CNNM2: variants seen among roughly 807,000 people sequenced by gnomAD.
CNNM2 encodes metal transporter CNNM2.
A neutral mutation model predicts 66.9 loss-of-function variants in CNNM2; 12 were observed. That is an observed-to-expected ratio of 0.18 (90% confidence interval 0.11 to 0.29). CNNM2 has a LOEUF of 0.29. CNNM2 is among the 10% of genes least tolerant of loss of function. The pLI is 1.00. For synonymous variants in CNNM2, 557 were observed against 501.8 expected (o/e 1.11, Z -1.47); for missense variants, 705 against 1,167.7 (o/e 0.60, Z 5.77).
intron 6 of CNNM2, among the ~76,000 whole-genome samples, chr10:103,073,141 C>T (rs1053452740): frequency 1.3e-5 from 2 of 152,238 alleles, no homozygotes; most frequent in African/African-American, 4.8e-5. Context: ...GGGCCTGCTC[C>T]TCCAGAGGGT....
intron 1 of CNNM2, among the ~76,000 whole-genome samples, chr10:102,947,611 C>T (rs985662899): frequency 2.0e-5 from 3 of 151,804 alleles, no homozygotes; most frequent in Non-Finnish European, 4.4e-5. Context: ...ATTAGCTGGG[C>T]GTAGTGGTGC....
chr10:103,085,524 C>T lies in CNNM2; in HGVS notation c.*8344C>T, dbSNP rs2065797048. On this transcript the variant is annotated 3_prime_UTR_variant, in exon 8 of 8. Coordinates refer to ENST00000369878, the MANE Select transcript of CNNM2 (RefSeq NM_017649.5). ...CTCCAGTTTGTGTGGGAAGGTTTAT[C>T]TCAGGCCTTGTCTACTCCCCTCGCC... 1 of 152,210 alleles carries T rather than the reference C, an allele frequency of 6.6e-6. No individual in the cohort carries two copies. Among genetic ancestry groups the T allele is most frequent in the Admixed American group, 6.5e-5 (1 of 15,280 alleles). The allele number at this position is 152,210 out of a possible 1,614,324, so 9.4% of individuals were successfully genotyped here.
chr10:103,061,665 G>GC, intron 4 of CNNM2, among the ~76,000 whole-genome samples: 1 of 152,214 alleles, frequency 6.6e-6, no homozygotes, highest in Non-Finnish European at 1.5e-5. Flanking sequence ...GCTAATATGG[G>GC]CTTAATCCTA....
intron 1 of CNNM2, among the ~76,000 whole-genome samples, chr10:103,036,130 C>G (rs1590434983): frequency 6.7e-6 from 1 of 149,478 alleles, no homozygotes. Context: ...ACCAATAGGA[C>G]ACACACACAC....
intron 1 of CNNM2, among the ~76,000 whole-genome samples, chr10:102,973,899 A>G (rs929735907): frequency 3.4e-5 from 5 of 147,064 alleles, no homozygotes; most frequent in Non-Finnish European, 7.4e-5. Context: ...CCCTCTCCCC[A>G]GACCTCTGGC....
chr10:103,055,676 C>T (rs1027821585), intron 3 of CNNM2, among the ~76,000 whole-genome samples: 3 of 152,196 alleles, frequency 2.0e-5, no homozygotes, highest in African/African-American at 4.8e-5. Context: ...AAAAAAGTCA[C>T]AAGTTAATAC....
intron 1 of CNNM2, among the ~76,000 whole-genome samples, chr10:102,986,713 G>C (rs905238350): frequency 6.7e-6 from 1 of 149,356 alleles, no homozygotes; most frequent in Non-Finnish European, 1.5e-5. Context: ...CTGGGAGGCG[G>C]AGCTTGCAGT....
At chr10:103,074,392 C>T (rs2065653762) in intron 6 of CNNM2, among the ~76,000 whole-genome samples, 1 of 152,222 alleles carries the variant, frequency 6.6e-6, no homozygotes, top group Admixed American at 6.5e-5. Context: ...ATCCATTCTG[C>T]TAAATATAAG....
chr10:102,925,271 G>A (rs944176194), intron 1 of CNNM2, among the ~76,000 whole-genome samples: 7 of 134,296 alleles, frequency 5.2e-5, no homozygotes, highest in African/African-American at 1.9e-4. Context: ...ATTCCAGCCT[G>A]GGCAACAAGA....
At chr10:102,980,965 T>C (rs1421197219) in intron 1 of CNNM2, among the ~76,000 whole-genome samples, 2 of 152,218 alleles carry the variant, frequency 1.3e-5, no homozygotes, top group African/African-American at 4.8e-5. Context: ...ATCAGTTCTT[T>C]AGCTTGTTTC....
At chr10:103,067,404 A>G (rs2065498130) in intron 4 of CNNM2, among the ~76,000 whole-genome samples, 2 of 152,060 alleles carry the variant, frequency 1.3e-5, no homozygotes, top group Non-Finnish European at 2.9e-5. Flanking sequence ...TCTTTACTAA[A>G]TCTTGCTGAT....
At position 103,086,771 on chromosome 10, in the gene CNNM2, T is replaced by G. The variant is rs2065818101; in HGVS notation, c.*9591T>G. On this transcript the variant is annotated 3_prime_UTR_variant, in exon 8 of 8. Transcript: ENST00000369878. ...TTATTATTTTAGGTCTCAGCAGAGGTATGCTTATGGCAAGAGAAAAATCTT... is the reference window on the plus strand; with the variant it reads ...TTATTATTTTAGGTCTCAGCAGAGGGATGCTTATGGCAAGAGAAAAATCTT... 6.6e-6 allele frequency: 1 copy of G among 152,174 alleles called. No individual in the cohort carries two copies. Among genetic ancestry groups the G allele is most frequent in the Non-Finnish European group, 1.5e-5 (1 of 68,042 alleles). 9.4% of individuals were successfully genotyped at this position (152,174 alleles called of 1,614,324 possible).
At chr10:103,035,138 C>A (rs566819390) in intron 1 of CNNM2, among the ~76,000 whole-genome samples, 39 of 152,106 alleles carry the variant, frequency 2.6e-4, no homozygotes, top group African/African-American at 9.2e-4. Context: ...AAAATAACTC[C>A]TACTATTATT....
chr10:103,018,300 G>A (rs1396155867), intron 1 of CNNM2, among the ~76,000 whole-genome samples: 1 of 152,124 alleles, frequency 6.6e-6, no homozygotes, highest in African/African-American at 2.4e-5. Flanking sequence ...TTTTTGGCTT[G>A]AACAACTGGG....
At chr10:103,034,829 G>A (rs368802000) in intron 1 of CNNM2, among the ~76,000 whole-genome samples, 12 of 151,932 alleles carry the variant, frequency 7.9e-5, no homozygotes, top group African/African-American at 1.2e-4. Flanking sequence ...AGCCGGGCGC[G>A]GTGGCGGGCG....
intron 1 of CNNM2, among the ~76,000 whole-genome samples, chr10:102,953,826 G>T (rs1448974556): frequency 1.3e-5 from 2 of 152,108 alleles, no homozygotes; most frequent in African/African-American, 4.8e-5. Flanking sequence ...CTCCCAAAAT[G>T]CTGGGATTAC....
chr10:103,060,319 T>C (rs1329669869), intron 4 of CNNM2, among the ~76,000 whole-genome samples: 1 of 152,168 alleles, frequency 6.6e-6, no homozygotes, highest in African/African-American at 2.4e-5. Context: ...CCCAGAACTT[T>C]GGGAGGTTGA....
Position 102,937,222 on chromosome 10 carries a change from T to C in CNNM2, c.1621+17121T>C, listed in dbSNP as rs1269505487. Among the ~76,000 whole-genome samples, 6 of 150,194 alleles carry C rather than the reference T, an allele frequency of 4.0e-5. No individual in the cohort carries two copies. In the Admixed American group the frequency reaches 4.0e-4, roughly 10 times the overall value. On this transcript the variant is annotated intron_variant, in intron 1 of 7. Transcript: ENST00000369878. Reference sequence around the variant, plus strand: ...TGTAGTCTGCCTGGAATGAAACTTTTTTATACTTACATGATAGCCCTGATT... The same window carrying C: ...TGTAGTCTGCCTGGAATGAAACTTTCTTATACTTACATGATAGCCCTGATT...
intron 1 of CNNM2, among the ~76,000 whole-genome samples, chr10:103,014,147 A>G (rs1182583525): frequency 6.6e-6 from 1 of 152,210 alleles, no homozygotes; most frequent in Non-Finnish European, 1.5e-5. Context: ...CCTGATAGCT[A>G]GAATTTTAGA....
Sources: allele counts gnomAD v4.1 joint callset (sites outside exome capture counted in the v4.1 genomes callset), GRCh38; gene constraint gnomAD v4.1.1; transcripts MANE v1.5; gene names NCBI Gene and HGNC (gene_info 2026-07-23, HGNC 2026-07-21).